DENND1A: variants seen among roughly 807,000 people sequenced by gnomAD.
DENND1A encodes DENN domain containing 1A.
Under a neutral mutation model 113.7 loss-of-function variants are expected in DENND1A, and 51 were observed. The ratio of observed to expected loss-of-function variants is 0.45; its 90% confidence interval spans 0.36 to 0.57. DENND1A has a LOEUF of 0.57. Among genes scored for constraint, DENND1A ranks in the 20% least tolerant of loss-of-function variants. The probability of loss-of-function intolerance (pLI) is 0.00; values close to 1 mark genes in which losing one functional copy is unlikely to be tolerated. For missense variants in DENND1A, 1,258 were observed against 1,395.9 expected, an observed-to-expected ratio of 0.90 and a Z score of 1.57; for synonymous variants, 565 against 570.8, an observed-to-expected ratio of 0.99 and a Z score of 0.14.
rs754115641 is a variant in DENND1A at position 123,671,387 on chromosome 9, G to A, written c.373-16C>T. ...ACTGATTTTCCTGAAAGAAATAAAA[G>A]GCCTAAGTAACAAAAGCAAGGCTGA... On this transcript the variant is annotated splice_polypyrimidine_tract_variant and intron_variant, in intron 6 of 23. Transcript: ENST00000394215. 11 of 1,613,264 alleles carry A rather than the reference G, an allele frequency of 6.8e-6. No homozygotes were observed. The highest frequency in any genetic ancestry group is 6.7e-5 in the Admixed American group (4 of 59,860).
chr9:123,726,482 G>C (rs1230699155), intron 5 of DENND1A, among the ~76,000 whole-genome samples: 3 of 152,100 alleles, frequency 2.0e-5, no homozygotes, highest in Non-Finnish European at 4.4e-5. Flanking sequence ...AGACCATGAA[G>C]TCCTTGAGGA....
intron 1 of DENND1A, among the ~76,000 whole-genome samples, chr9:123,915,209 G>A (rs1854869077): frequency 6.6e-6 from 1 of 151,966 alleles, no homozygotes; most frequent in African/African-American, 2.4e-5. Flanking sequence ...TTCAATTCTG[G>A]ATGGATTGCA....
At chr9:123,690,430 A>C (rs73665334) in intron 5 of DENND1A, among the ~76,000 whole-genome samples, 6,038 of 152,268 alleles carry the variant, frequency 0.04, 142 homozygotes, top group African/African-American at 0.064. Flanking sequence ...ATGTATAATA[A>C]TAGAATGATT....
intron 21 of DENND1A, among the ~76,000 whole-genome samples, chr9:123,389,529 G>C (rs1425944352): frequency 6.6e-6 from 1 of 152,176 alleles, no homozygotes; most frequent in Admixed American, 6.5e-5. Context: ...CCTGGCTCCT[G>C]CCACTTCCAC....
intron 13 of DENND1A, among the ~76,000 whole-genome samples, chr9:123,502,041 ATATCTC>A (rs1274245386): frequency 1.3e-5 from 2 of 152,092 alleles, no homozygotes; most frequent in Non-Finnish European, 1.5e-5. Context: ...TACAGGCTCC[ATATCTC>A]TATCTCTATC....
At chr9:123,708,099 C>T (rs1216410676) in intron 5 of DENND1A, among the ~76,000 whole-genome samples, 2 of 151,966 alleles carry the variant, frequency 1.3e-5, no homozygotes, top group Non-Finnish European at 2.9e-5. Context: ...TGCAGAATTT[C>T]TTCTCTGAGG....
intron 18 of DENND1A, among the ~76,000 whole-genome samples, chr9:123,442,601 GA>G (rs954685587): frequency 4.4e-4 from 66 of 149,778 alleles, no homozygotes; most frequent in African/African-American, 1.4e-3. Context: ...GTGTTTGGCT[GA>G]AAAAAAAATG....
At chr9:123,865,404 G>A (rs561719827) in intron 2 of DENND1A, among the ~76,000 whole-genome samples, 84 of 152,320 alleles carry the variant, frequency 5.5e-4, no homozygotes, top group Non-Finnish European at 1.0e-3. Flanking sequence ...ACTTGCTGGG[G>A]CTGTTAGAGG....
At chr9:123,412,990 C>A (rs2044433649) in intron 19 of DENND1A, among the ~76,000 whole-genome samples, 1 of 152,212 alleles carries the variant, frequency 6.6e-6, no homozygotes, top group Admixed American at 6.5e-5. Context: ...TCGAGACCAG[C>A]CTGGCCAACA....
intron 13 of DENND1A, among the ~76,000 whole-genome samples, chr9:123,529,547 AAC>A (rs2055127645): frequency 6.6e-6 from 1 of 152,218 alleles, no homozygotes; most frequent in Admixed American, 6.5e-5. Context: ...AACCTCAGTA[AAC>A]AGTCTATTTA....
At chr9:123,903,735 T>G (rs1282928157) in intron 1 of DENND1A, among the ~76,000 whole-genome samples, 4 of 152,220 alleles carry the variant, frequency 2.6e-5, no homozygotes, top group Admixed American at 1.3e-4. Flanking sequence ...CCACGGTGTC[T>G]CGCTGATTGC....
intron 5 of DENND1A, among the ~76,000 whole-genome samples, chr9:123,680,386 C>T (rs996415446): frequency 2.0e-4 from 30 of 152,330 alleles, no homozygotes; most frequent in African/African-American, 6.7e-4. Context: ...GGGGTCCCAC[C>T]GGCCCTTGTA....
intron 3 of DENND1A, among the ~76,000 whole-genome samples, chr9:123,782,958 G>C (rs1036952325): frequency 1.3e-5 from 2 of 151,074 alleles, no homozygotes; most frequent in Admixed American, 6.6e-5. Context: ...ACTGACTGAA[G>C]TTACACAGTT....
intron 5 of DENND1A, among the ~76,000 whole-genome samples, chr9:123,682,597 A>G (rs185359898): frequency 5.9e-5 from 9 of 152,298 alleles, no homozygotes; most frequent in South Asian, 2.1e-4. Context: ...CTCCTCCCCA[A>G]TGTTAAAAAG....
At chr9:123,579,382 T>C (rs554737810) in intron 12 of DENND1A, among the ~76,000 whole-genome samples, 6 of 152,310 alleles carry the variant, frequency 3.9e-5, no homozygotes, top group South Asian at 2.1e-4. Context: ...TGGGAAGTTA[T>C]AGGAGAATTT....
At chr9:123,885,576 C>T (rs1271872470) in intron 1 of DENND1A, among the ~76,000 whole-genome samples, 1 of 152,258 alleles carries the variant, frequency 6.6e-6, no homozygotes, top group Admixed American at 6.5e-5. Flanking sequence ...GTCACACCTG[C>T]TGACAACAGC....
At chr9:123,818,428 G>C (rs1837876785) in intron 2 of DENND1A, among the ~76,000 whole-genome samples, 1 of 151,952 alleles carries the variant, frequency 6.6e-6, no homozygotes, top group African/African-American at 2.4e-5. Context: ...TACAGGTTGA[G>C]TATCCCTTAT....
At chr9:123,820,871 A>G (rs1299474084) in intron 2 of DENND1A, among the ~76,000 whole-genome samples, 2 of 152,218 alleles carry the variant, frequency 1.3e-5, no homozygotes, top group African/African-American at 2.4e-5. Context: ...CTGCTTATCC[A>G]TGTCAGTTCC....
At chr9:123,712,539 A>G (rs2066699881) in intron 5 of DENND1A, among the ~76,000 whole-genome samples, 1 of 152,230 alleles carries the variant, frequency 6.6e-6, no homozygotes, top group South Asian at 2.1e-4. Context: ...GAGCATTTAG[A>G]ATAGTGCCTG....
Sources: allele counts gnomAD v4.1 joint callset (sites outside exome capture counted in the v4.1 genomes callset), GRCh38; gene constraint gnomAD v4.1.1; transcripts MANE v1.5; gene names NCBI Gene and HGNC (gene_info 2026-07-23, HGNC 2026-07-21).